The following EML3 variants were observed in gnomAD, a reference collection of about 807,000 sequenced individuals.
The protein encoded by EML3 is EMAP like 3.
In EML3, 53 loss-of-function variants were observed where a neutral mutation model predicts 106.7. That is an observed-to-expected ratio of 0.50 (90% CI 0.40 to 0.62). EML3 has a LOEUF of 0.62. Ranked by LOEUF, EML3 falls within the 20% of genes least tolerant of loss-of-function variation. The pLI, the probability that EML3 is intolerant of heterozygous loss-of-function variation, is 0.00. For synonymous variants in EML3, 499 were observed against 489.6 expected (o/e 1.02, Z -0.25); for missense variants, 994 against 1,209.1 (o/e 0.82, Z 2.64).
At chr11:62,604,274 C>T (rs1344312487) in intron 16 of EML3, 73 bp from the exon 17 acceptor site, 15 of 1,390,884 alleles carry the variant, frequency 1.1e-5, no homozygotes, top group Non-Finnish European at 1.5e-5. Flanking sequence ...AGGGAGGCCA[C>T]CCTGGGTAGG....
Position 62,602,883 on chromosome 11 carries a change from C to A in EML3, c.2363G>T (p.Trp788Leu). Reference protein sequence around the residue: ...CVLGFHVYGVWPDGSDGTDIN... With the variant: ...CVLGFHVYGVLPDGSDGTDIN... ...GTCGGTCCCATCGGAGCCGTCCGGCCAGACGCCTAGCACAGCGGCCGGCCT... is the reference window on the plus strand; with the variant it reads ...GTCGGTCCCATCGGAGCCGTCCGGCAAGACGCCTAGCACAGCGGCCGGCCT... The change falls in exon 21 of 22, where the codon TGG becomes TTG. Residue 788 changes from tryptophan (W) to leucine (L), a missense_variant. Trp to Leu is a moderately conservative substitution (Grantham distance 61, BLOSUM62 -2). Around this residue, in one of 3 missense-constraint regions of EML3, gnomAD observed 713 missense variants for 920.5 expected, o/e 0.77. Coordinates refer to ENST00000394773, the MANE Select transcript of EML3 (RefSeq NM_153265.3). 1 of 1,571,794 alleles carries A rather than the reference C, an allele frequency of 6.4e-7. No homozygotes were observed. Among genetic ancestry groups the A allele is most frequent in the South Asian group, 1.2e-5 (1 of 86,696 alleles).
intron 6 of EML3, 37 bp from the exon 7 acceptor site, chr11:62,609,169 C>G (rs1590756192): frequency 6.2e-7 from 1 of 1,609,372 alleles, no homozygotes; most frequent in Admixed American, 1.7e-5. Flanking sequence ...AGGGTTAGAT[C>G]AAGGGCAGGA....
chr11:62,607,486 G>A (rs113033797), intron 11 of EML3, 180 bp downstream of exon 11: 74 of 650,612 alleles, frequency 1.1e-4, no homozygotes, highest in South Asian at 1.7e-4. Context: ...GCAGTGAGCC[G>A]AGATCTTGCC....
intron 19 of EML3, 74 bp from the exon 20 acceptor site, chr11:62,603,321 T>A (rs1942340612): frequency 2.1e-6 from 3 of 1,402,212 alleles, no homozygotes; most frequent in East Asian, 4.6e-5. Context: ...AAAGCCAGAC[T>A]GGAAAGACTG....
chr11:62,607,635 C>T (rs746078287), intron 11 of EML3, 31 bp downstream of exon 11: 1 of 1,600,636 alleles, frequency 6.2e-7, no homozygotes, highest in Non-Finnish European at 8.5e-7. Flanking sequence ...ACTCTGCCCT[C>T]CCCATCACCT....
At chr11:62,607,154 A>C in intron 11 of EML3, 55 bp from the exon 12 acceptor site, 1 of 1,593,280 alleles carries the variant, frequency 6.3e-7, no homozygotes, top group Non-Finnish European at 8.5e-7. Flanking sequence ...AAAGATTAAA[A>C]GTCGCAGGGC....
rs762485981 is a variant in EML3 at position 62,605,834 on chromosome 11, CCT to C, written c.1782+19_1782+20del. The C allele has an allele frequency of 6.2e-7, 1 of 1,613,384 alleles. No homozygotes were observed. The highest frequency in any genetic ancestry group is 1.1e-5 in the South Asian group (1 of 90,966). ...CTCACACCCCTTTGTCCCTTCCTCCCCTGAGCCCTTAACCCCCAACCTGGATT... is the reference window on the plus strand; with the variant it reads ...CTCACACCCCTTTGTCCCTTCCTCCCGAGCCCTTAACCCCCAACCTGGATT... On this transcript the variant is annotated intron_variant, in intron 14 of 21. Transcript: ENST00000394773. The surrounding 1 kb of genome is among the most constrained non-coding windows in gnomAD (Gnocchi z 5.2).
chr11:62,610,839 G>A (rs766644109), intron 4 of EML3, 40 bp downstream of exon 4: 3 of 1,550,832 alleles, frequency 1.9e-6, no homozygotes, highest in Non-Finnish European at 1.8e-6. Context: ...TCGAGAGCCT[G>A]CGCCTGGGGC....
chr11:62,604,312 A>G, intron 16 of EML3, 111 bp from the exon 17 acceptor site: 1 of 771,646 alleles, frequency 1.3e-6, no homozygotes, highest in East Asian at 2.7e-5. Context: ...AGAGAAGCTC[A>G]GAGACACACA....
At position 62,602,423 on chromosome 11, in the gene EML3, C is replaced by A. The variant is rs778382965; in HGVS notation, c.*52G>T. On this transcript the variant is annotated 3_prime_UTR_variant, in exon 22 of 22. Coordinates refer to ENST00000394773, the MANE Select transcript of EML3 (RefSeq NM_153265.3). ...CGTGGGGGATTGGGCCAGGGAAGGG[C>A]AGGGCGGGGCGGGGCCACGCCGCCG... 20 of 1,535,898 alleles carry A rather than the reference C, an allele frequency of 1.3e-5. No homozygotes were observed. Among genetic ancestry groups the A allele is most frequent in the East Asian group, 7.4e-5 (3 of 40,312 alleles).
At chr11:62,607,327 A>T in intron 11 of EML3, 1 of 471,770 alleles carries the variant, frequency 2.1e-6, no homozygotes, top group Non-Finnish European at 3.6e-6. Flanking sequence ...TCAAAAACAA[A>T]AAAAACAAAA....
rs759397167 is a variant in EML3 at position 62,611,572 on chromosome 11, A to T, written c.47T>A (p.Leu16His). ...CCGAAGCCGCTGGCTCAGAGACTGG[A>T]GGGCCTCCCGAGCAGGGCCGTCACC... ...GPGDGPAREALQSLSQRLRVQ... is the reference protein window; with the variant it reads ...GPGDGPAREAHQSLSQRLRVQ... The change falls in exon 2 of 22, where the codon CTC becomes CAC. Residue 16 changes from leucine to histidine, a missense_variant. This residue lies in a region of EML3 where 269 missense variants were observed against 265.1 expected (regional missense o/e 1.01). Coordinates refer to ENST00000394773, the MANE Select transcript of EML3 (RefSeq NM_153265.3). 6.2e-7 allele frequency: 1 copy of T among 1,613,568 alleles called. No homozygotes were observed. The highest frequency in any genetic ancestry group is 1.7e-5 in the Admixed American group (1 of 59,992).
chr11:62,608,085 G>T, intron 10 of EML3, 116 bp downstream of exon 10: 1 of 1,032,982 alleles, frequency 9.7e-7, no homozygotes, highest in Non-Finnish European at 1.5e-6. Flanking sequence ...TAGGAGATTT[G>T]CCCCATGTGA....
chr11:62,603,901 C>T lies in EML3; in HGVS notation c.2169+43G>A, dbSNP rs117319155. The T allele has an allele frequency of 6.6e-3, 10,592 of 1,612,456 alleles. 62 individuals are homozygous for T. Among genetic ancestry groups the T allele is most frequent in the Non-Finnish European group, 6.9e-3 (8,118 of 1,178,816 alleles). ...CTTGATGCATCAGACCCCTGAGTTT[C>T]GCAGCTGTTATCATGCCCCACCACA... On this transcript the variant is annotated intron_variant, in intron 18 of 21. Coordinates refer to ENST00000394773, the MANE Select transcript of EML3 (RefSeq NM_153265.3).
rs1418490078 is a variant in EML3, at chr11:62,609,483, G to A, written c.635-6C>T. 2 of 1,559,712 alleles carry A rather than the reference G, an allele frequency of 1.3e-6. No homozygotes were observed. The highest frequency in any genetic ancestry group is 8.7e-7 in the Non-Finnish European group (1 of 1,151,512). On this transcript the variant is annotated splice_polypyrimidine_tract_variant and splice_region_variant and intron_variant, in intron 5 of 21. Transcript: ENST00000394773. The stretch of plus-strand genomic sequence containing the variant: ...CATCTTCACTGAGATGCCTTCTACA[G>A]AGAAAAGGGGTGGTGTCAACTACCC...
Position 62,606,098 on chromosome 11 carries a change from A to C in EML3, c.1621T>G (p.Trp541Gly). ...TGGAGGGCCACCAACCCGGGCCCCC[A>C]CTGTACCAGCCGGCGGTCCCGCCCG... ...GGGRDRRLVQ[W>G]GPGLVALQEA... The change falls in exon 13 of 22, where the codon TGG (tryptophan) becomes GGG (glycine). Residue 541 changes from tryptophan to glycine, a missense_variant. Trp to Gly is a radical substitution (Grantham distance 184). Transcript: ENST00000394773. 2 of 1,613,862 alleles carry C rather than the reference A, an allele frequency of 1.2e-6. No homozygotes were observed. The highest frequency in any genetic ancestry group is 1.7e-6 in the Non-Finnish European group (2 of 1,180,000).
At position 62,604,059 on chromosome 11, in the gene EML3, C is replaced by G; in HGVS notation, c.2072-18G>C. On this transcript the variant is annotated intron_variant, in intron 17 of 21. Transcript: ENST00000394773. Reference sequence around the variant, plus strand: ...CAACCCATCTGCAAATACAGTCACTCAGAGAGGGAAGGGCCAGGGACGCAT... The same window carrying G: ...CAACCCATCTGCAAATACAGTCACTGAGAGAGGGAAGGGCCAGGGACGCAT... 6.2e-7 allele frequency: 1 copy of G among 1,614,106 alleles called. No individual in the cohort carries two copies. The highest frequency in any genetic ancestry group is 8.5e-7 in the Non-Finnish European group (1 of 1,180,018).
Position 62,603,960 on chromosome 11 carries a change from C to A in EML3, c.2153G>T (p.Arg718Leu). The change falls in exon 18 of 22, where the codon CGC (arginine) becomes CTC (leucine). Residue 718 changes from arginine to leucine, a missense_variant. Around this residue, in one of 3 missense-constraint regions of EML3, gnomAD observed 713 missense variants for 920.5 expected, o/e 0.77. Coordinates refer to ENST00000394773, the MANE Select transcript of EML3 (RefSeq NM_153265.3). ...SVSSDGAKSSRFGRCMGHSSF... is the reference protein window; with the variant it reads ...SVSSDGAKSSLFGRCMGHSSF... ...CTTCCTCACCATACAGCGGCCAAAG[C>A]GGCTGGATTTGGCACCATCACTGGA... The A allele has an allele frequency of 6.2e-7, 1 of 1,614,078 alleles. No homozygotes were observed. Among genetic ancestry groups the A allele is most frequent in the Non-Finnish European group, 8.5e-7 (1 of 1,180,034 alleles).
intron 1 of EML3, chr11:62,611,983 C>T (rs146374152): frequency 1.3e-4 from 48 of 361,140 alleles, no homozygotes; most frequent in African/African-American, 1.0e-3. Flanking sequence ...CCAGCGAAAG[C>T]TGAGTAACTG....
Sources: gnomAD v4.1 joint callset for allele counts on GRCh38, gnomAD v4.1.1 for gene constraint, gnomAD v4.1.1 regional missense constraint, Gnocchi (gnomAD v3.1) non-coding constraint, MANE v1.5 for transcripts, NCBI Gene and HGNC (gene_info 2026-07-23, HGNC 2026-07-21) for gene names.